GPR161: variants seen among roughly 807,000 people sequenced by gnomAD.
GPR161 encodes the protein G-protein coupled receptor RE2.
A neutral mutation model predicts 39.2 loss-of-function variants in GPR161; 25 were observed. That is an observed-to-expected ratio of 0.64 (90% CI 0.47 to 0.89). GPR161 has a LOEUF of 0.89. GPR161 is among the 40% of genes least tolerant of loss of function. The pLI is 0.00. For synonymous variants in GPR161, 286 were observed against 276.6 expected (o/e 1.03, Z -0.34); for missense variants, 547 against 677.8 (o/e 0.81, Z 2.14).
At chr1:168,088,917 G>A (rs1181838035) in intron 4 of GPR161, 1 of 152,136 alleles carries the variant, frequency 6.6e-6, no homozygotes, top group East Asian at 1.9e-4. Context: ...ACCTATAGCA[G>A]CCCACGGGCT....
chr1:168,117,556 C>G (rs776163820), intron 1 of GPR161, among the ~76,000 whole-genome samples: 1 of 152,158 alleles, frequency 6.6e-6, no homozygotes, highest in Non-Finnish European at 1.5e-5. Context: ...GAGTATCTAC[C>G]TCATAGGGTT....
intron 1 of GPR161, among the ~76,000 whole-genome samples, chr1:168,120,548 A>C (rs910142159): frequency 1.3e-5 from 2 of 152,156 alleles, no homozygotes; most frequent in African/African-American, 4.8e-5. Context: ...ATTGGTTTTG[A>C]AATGTGAAAA....
chr1:168,107,846 G>A (rs1188990539), intron 1 of GPR161, among the ~76,000 whole-genome samples: 2 of 152,148 alleles, frequency 1.3e-5, no homozygotes, highest in African/African-American at 4.8e-5. Flanking sequence ...CTCTCTGCAG[G>A]CAAGGCATTG....
chr1:168,088,141 A>G (rs2102100922), intron 4 of GPR161: 1 of 154,946 alleles, frequency 6.5e-6, no homozygotes, highest in African/African-American at 2.4e-5. Context: ...TAAACATGTA[A>G]AGCTCCAAAA....
chr1:168,123,533 TACATAC>T (rs745728632), intron 1 of GPR161, among the ~76,000 whole-genome samples: 114 of 97,652 alleles, frequency 1.2e-3, no homozygotes, highest in African/African-American at 4.5e-3. Context: ...GATATGCACA[TACATAC>T]ACACACACAC....
intron 1 of GPR161, among the ~76,000 whole-genome samples, chr1:168,116,471 G>A (rs1349490704): frequency 6.6e-6 from 1 of 152,166 alleles, no homozygotes; most frequent in Non-Finnish European, 1.5e-5. Flanking sequence ...CTGGGGCGGG[G>A]TGTGTGGTGG....
intron 1 of GPR161, among the ~76,000 whole-genome samples, chr1:168,123,441 G>A (rs1410680914): frequency 2.0e-5 from 3 of 151,864 alleles, no homozygotes; most frequent in East Asian, 1.9e-4. Context: ...CTGGGCAACA[G>A]AGCAAGACCC....
Position 168,082,141 on chromosome 1 carries a change from A to C in GPR161, c.*3390T>G, listed in dbSNP as rs951176880. ...TGGTTGTTCACTTGTTTACAGAAAG[A>C]CCACATAGTAGCTCCTCAAATAAGA... is the stretch of plus-strand genomic sequence containing the variant. On this transcript the variant is annotated 3_prime_UTR_variant, in exon 6 of 6. Coordinates refer to ENST00000682931, the MANE Select transcript of GPR161 (RefSeq NM_001375883.1). 6.6e-6 allele frequency: 1 copy of C among 152,162 alleles called. No homozygotes were observed. The highest frequency in any genetic ancestry group is 2.4e-5 in the African/African-American group (1 of 41,430). The allele number at this position is 152,162 out of a possible 1,614,324, so 9.4% of individuals were successfully genotyped here. A position where few individuals can be genotyped will look rare whatever the true frequency, so the allele number is the denominator to read the frequency against.
intron 1 of GPR161, chr1:168,135,034 A>T: frequency 6.6e-7 from 1 of 1,520,472 alleles, no homozygotes; most frequent in Non-Finnish European, 8.8e-7. Context: ...ACAGTGCACC[A>T]GGCTGCAACA....
At chr1:168,119,259 T>TGTAC (rs1697942640) in intron 1 of GPR161, among the ~76,000 whole-genome samples, 2 of 99,788 alleles carry the variant, frequency 2.0e-5, no homozygotes, top group African/African-American at 9.1e-5. Context: ...TATATATACG[T>TGTAC]ATATATATGT....
At chr1:168,136,625 C>T in intron 1 of GPR161, 114 bp downstream of exon 1, 4 of 1,222,258 alleles carry the variant, frequency 3.3e-6, no homozygotes, top group African/African-American at 1.6e-5. Flanking sequence ...GGGGCGGGGA[C>T]CCTTCCCGGC....
At chr1:168,087,975 C>G (rs956948912) in intron 4 of GPR161, 2 of 330,910 alleles carry the variant, frequency 6.0e-6, no homozygotes, top group Non-Finnish European at 1.1e-5. Flanking sequence ...AATGACCAGA[C>G]CCCAGAAGCA....
chr1:168,110,166 G>A (rs910460498), intron 1 of GPR161, among the ~76,000 whole-genome samples: 40 of 151,994 alleles, frequency 2.6e-4, no homozygotes, highest in Admixed American at 2.2e-3. Context: ...AACAACAACA[G>A]CAACAAAATA....
chr1:168,137,618 A>G (rs1044299313), upstream of GPR161: 1 of 593,886 alleles, frequency 1.7e-6, no homozygotes, highest in African/African-American at 1.9e-5. Context: ...GGGACGGAAC[A>G]GTTCCTTCTC....
intron 3 of GPR161, among the ~76,000 whole-genome samples, chr1:168,090,992 C>T (rs1224596193): frequency 1.3e-5 from 2 of 152,166 alleles, no homozygotes; most frequent in South Asian, 2.1e-4. Flanking sequence ...AAGATCTTCC[C>T]GTTAAAGATG....
In GPR161 at chr1:168,129,548, C is replaced by A. The variant is rs139495405; in HGVS notation, c.-45+7191G>T. On this transcript the variant is annotated intron_variant, in intron 1 of 5. Transcript: ENST00000682931. The stretch of plus-strand genomic sequence containing the variant: ...GGCAGGGACCCCAGTTAGGAGGCCA[C>A]GGCTATGGCCCAAGTAGAGACAAAG... 1.1e-4 allele frequency among the ~76,000 whole-genome samples: 16 copies of A among 152,220 alleles called. No homozygotes were observed. In the South Asian group the frequency reaches 3.3e-3, roughly 32 times the overall value.
intron 2 of GPR161, among the ~76,000 whole-genome samples, chr1:168,099,081 C>T (rs997614367): frequency 2.1e-4 from 32 of 152,154 alleles, no homozygotes; most frequent in African/African-American, 7.0e-4. Context: ...GGGGGACTGG[C>T]CATCGACCTT....
intron 4 of GPR161, among the ~76,000 whole-genome samples, chr1:168,089,853 C>T (rs1288251229): frequency 6.6e-6 from 1 of 152,232 alleles, no homozygotes; most frequent in Non-Finnish European, 1.5e-5. Context: ...GACTCTGATG[C>T]CAGGAAGCCG....
rs763845076 is a variant in GPR161, at chr1:168,104,765, GTGA to G, written c.83_85del (p.Ile28del). ...GATGACAATGATGGCGATGAACTGG[GTGA>G]TGATGACGCCCCCTTCGCCACCCTC... On this transcript the variant is annotated inframe_deletion, in exon 2 of 6. Transcript: ENST00000682931. 33 of 1,614,130 alleles carry G rather than the reference GTGA, an allele frequency of 2.0e-5. 1 individual carries two copies. In the South Asian group the frequency reaches 3.2e-4, roughly 16 times the overall value.
Sources: allele counts gnomAD v4.1 joint callset (sites outside exome capture counted in the v4.1 genomes callset), GRCh38; gene constraint gnomAD v4.1.1; transcripts MANE v1.5; gene names NCBI Gene and HGNC (gene_info 2026-07-23, HGNC 2026-07-21).